The following PRKAG2 variants were observed in gnomAD, a reference collection of about 807,000 sequenced individuals.
The protein encoded by PRKAG2 is 5'-AMP-activated protein kinase subunit gamma-2.
In PRKAG2, 26 loss-of-function variants were observed where a neutral mutation model predicts 69.6. The ratio of observed to expected loss-of-function variants is 0.37; its 90% CI spans 0.27 to 0.52. The LOEUF (loss-of-function observed/expected upper bound fraction) is 0.52. PRKAG2 is among the 20% of genes least tolerant of loss of function. PRKAG2 has a pLI of 0.90. For missense variants in PRKAG2, 557 were observed against 740.0 expected, an observed-to-expected ratio of 0.75 and a Z score of 2.87; for synonymous variants, 293 against 285.0, an observed-to-expected ratio of 1.03 and a Z score of -0.28.
chr7:151,818,640 C>T (rs2078701566), intron 1 of PRKAG2, among the ~76,000 whole-genome samples: 1 of 152,232 alleles, frequency 6.6e-6, no homozygotes, highest in Admixed American at 6.5e-5. Flanking sequence ...GCTGTCCCTG[C>T]CCTCACTGTC....
intron 5 of PRKAG2, among the ~76,000 whole-genome samples, chr7:151,618,847 T>C (rs983844651): frequency 6.6e-6 from 1 of 152,216 alleles, no homozygotes; most frequent in Non-Finnish European, 1.5e-5. Flanking sequence ...ATCTTAAACA[T>C]AATTTTACAG....
chr7:151,735,406 G>C (rs1307705365), intron 3 of PRKAG2, among the ~76,000 whole-genome samples: 2 of 152,170 alleles, frequency 1.3e-5, no homozygotes, highest in African/African-American at 4.8e-5. Context: ...AGACCACAAT[G>C]CAAGCTTCTC....
intron 4 of PRKAG2, among the ~76,000 whole-genome samples, chr7:151,671,205 C>T (rs1831992291): frequency 7.0e-6 from 1 of 143,572 alleles, no homozygotes; most frequent in Non-Finnish European, 1.5e-5. Context: ...AAAAGGAGTG[C>T]TGTCTTCTAA....
chr7:151,776,952 C>T (rs1364685617), intron 3 of PRKAG2, among the ~76,000 whole-genome samples: 3 of 152,198 alleles, frequency 2.0e-5, no homozygotes, highest in Non-Finnish European at 4.4e-5. Context: ...ATCCCCAGGA[C>T]CCCTTGGGTG....
intron 5 of PRKAG2, among the ~76,000 whole-genome samples, chr7:151,629,517 C>T (rs572578215): frequency 3.3e-5 from 5 of 152,246 alleles, no homozygotes; most frequent in East Asian, 1.9e-4. Context: ...TCCCTCTTGT[C>T]GTGGTAAGAA....
intron 13 of PRKAG2, among the ~76,000 whole-genome samples, chr7:151,564,999 G>A (rs1490840910): frequency 1.3e-5 from 2 of 152,142 alleles, no homozygotes; most frequent in African/African-American, 4.8e-5. Flanking sequence ...AAGGAGCCAT[G>A]AGTCCACGTG....
chr7:151,753,044 G>A (rs575307185), intron 3 of PRKAG2, among the ~76,000 whole-genome samples: 70 of 152,386 alleles, frequency 4.6e-4, no homozygotes, highest in African/African-American at 1.6e-3. Flanking sequence ...ACCTGAGGGC[G>A]GAGGCTGGCT....
chr7:151,716,298 C>T (rs916045066), intron 3 of PRKAG2, among the ~76,000 whole-genome samples: 5 of 152,174 alleles, frequency 3.3e-5, no homozygotes, highest in Admixed American at 1.3e-4. Context: ...TTGATTATGA[C>T]ATGTCAGGCA....
chr7:151,631,902 G>C (rs1366982438), intron 5 of PRKAG2, 167 bp downstream of exon 5: 2 of 632,324 alleles, frequency 3.2e-6, no homozygotes, highest in Non-Finnish European at 2.3e-6. Context: ...CGAGCTCGCC[G>C]GCGCCCGCAT....
In PRKAG2 at chr7:151,625,519, A is replaced by G. The variant is rs192412158; in HGVS notation, c.754+6550T>C. Among the ~76,000 whole-genome samples, 418 of 152,324 alleles carry G rather than the reference A, an allele frequency of 2.7e-3. 4 individuals are homozygous for G. Among genetic ancestry groups the G allele is most frequent in the Middle Eastern group, 0.01 (3 of 294 alleles). ...GCGATGGGATTAGAAATATGTTTGAAGGAAATATCTCCAACAGCAGCATGG... is the reference window on the plus strand; with the variant it reads ...GCGATGGGATTAGAAATATGTTTGAGGGAAATATCTCCAACAGCAGCATGG... On this transcript the variant is annotated intron_variant, in intron 5 of 15. Transcript: ENST00000287878.
intron 5 of PRKAG2, among the ~76,000 whole-genome samples, chr7:151,626,567 G>A (rs1361763898): frequency 6.6e-6 from 1 of 152,138 alleles, no homozygotes; most frequent in Non-Finnish European, 1.5e-5. Flanking sequence ...AGTAATGATC[G>A]ACAAGTACCA....
At chr7:151,675,277 G>T in intron 4 of PRKAG2, 143 bp downstream of exon 4, 1 of 858,292 alleles carries the variant, frequency 1.2e-6, no homozygotes, top group Non-Finnish European at 1.9e-6. Context: ...CTCAGCCTGT[G>T]ATTTATGGTA....
intron 3 of PRKAG2, among the ~76,000 whole-genome samples, chr7:151,709,273 C>T (rs192005009): frequency 7.7e-4 from 115 of 150,306 alleles, no homozygotes; most frequent in African/African-American, 2.4e-3. Context: ...CATTGTGTGA[C>T]GATGAGGGAT....
intron 3 of PRKAG2, among the ~76,000 whole-genome samples, chr7:151,759,078 T>G (rs549062800): frequency 1.3e-5 from 2 of 152,262 alleles, no homozygotes; most frequent in Non-Finnish European, 2.9e-5. Flanking sequence ...CCTGGAATCC[T>G]GACCTCTCCT....
At chr7:151,565,311 C>T (rs1386751796) in intron 13 of PRKAG2, 35 bp downstream of exon 13, 1 of 1,347,586 alleles carries the variant, frequency 7.4e-7, no homozygotes, top group Non-Finnish European at 1.0e-6. Flanking sequence ...AAAATGCATT[C>T]TAGGTGACAG....
chr7:151,651,667 AG>A (rs111367148), intron 4 of PRKAG2, among the ~76,000 whole-genome samples: 7,739 of 152,230 alleles, frequency 0.051, 682 homozygotes, highest in African/African-American at 0.18. Flanking sequence ...AATAGACTCT[AG>A]GTAAGTAGGC....
At chr7:151,698,347 C>T (rs561231332) in intron 3 of PRKAG2, among the ~76,000 whole-genome samples, 5 of 152,176 alleles carry the variant, frequency 3.3e-5, no homozygotes, top group Admixed American at 6.5e-5. Flanking sequence ...CCCACCCCCT[C>T]GCCTGTGCTT....
At chr7:151,628,417 G>C (rs1823551585) in intron 5 of PRKAG2, among the ~76,000 whole-genome samples, 1 of 152,196 alleles carries the variant, frequency 6.6e-6, no homozygotes, top group Admixed American at 6.5e-5. Flanking sequence ...AGCAAACACA[G>C]AAAGGGATTG....
intron 4 of PRKAG2, among the ~76,000 whole-genome samples, chr7:151,648,109 T>C (rs1458711874): frequency 6.6e-6 from 1 of 152,082 alleles, no homozygotes; most frequent in Non-Finnish European, 1.5e-5. Context: ...CCAGTGTCAT[T>C]TGGCGGAGAG....
Sources: gnomAD v4.1 joint callset for allele counts (sites outside exome capture counted in the v4.1 genomes callset) on GRCh38, gnomAD v4.1.1 for gene constraint, MANE v1.5 for transcripts, NCBI Gene and HGNC (gene_info 2026-07-23, HGNC 2026-07-21) for gene names.